The following TRDN variants were observed in gnomAD, a reference collection of about 807,000 sequenced individuals.
The protein encoded by TRDN is triadin in skeletal muscle.
In TRDN, 161 loss-of-function variants were observed where a neutral mutation model predicts 149.7. The ratio of observed to expected loss-of-function variants is 1.08; its 90% CI spans 0.95 to 1.23. The LOEUF (loss-of-function observed/expected upper bound fraction) is 1.23, where lower values mean the gene tolerates loss of function less well. TRDN is among the 50% of genes most tolerant of loss of function. TRDN has a pLI of 0.00. For synonymous variants in TRDN, 294 were observed against 250.5 expected (o/e 1.17, Z -1.64); for missense variants, 896 against 823.5 (o/e 1.09, Z -1.08).
chr6:123,481,669 G>T (rs183891557), intron 9 of TRDN, among the ~76,000 whole-genome samples: 1 of 152,042 alleles, frequency 6.6e-6, no homozygotes, highest in African/African-American at 2.4e-5. Flanking sequence ...AGTACCACAC[G>T]TGTTACATCT....
At chr6:123,269,581 T>C (rs1270748613) in intron 31 of TRDN, among the ~76,000 whole-genome samples, 1 of 152,070 alleles carries the variant, frequency 6.6e-6, no homozygotes, top group East Asian at 1.9e-4. Flanking sequence ...TGTATAGTTA[T>C]AATCATTAAT....
At chr6:123,588,294 C>G (rs898773540) in intron 1 of TRDN, among the ~76,000 whole-genome samples, 18 of 152,110 alleles carry the variant, frequency 1.2e-4, no homozygotes, top group African/African-American at 4.3e-4. Context: ...CTATACTAGT[C>G]AAGTTGGAAT....
chr6:123,222,305 A>C (rs1250772931), intron 39 of TRDN, among the ~76,000 whole-genome samples: 1 of 151,716 alleles, frequency 6.6e-6, no homozygotes, highest in East Asian at 2.0e-4. Context: ...TTCCCCTCAG[A>C]GTGTAATCTA....
At chr6:123,418,094 T>C (rs966559606) in intron 12 of TRDN, among the ~76,000 whole-genome samples, 8 of 152,122 alleles carry the variant, frequency 5.3e-5, no homozygotes, top group Non-Finnish European at 1.2e-4. Context: ...CAGACACTAA[T>C]AAGAACATGC....
intron 24 of TRDN, among the ~76,000 whole-genome samples, chr6:123,299,854 A>G (rs1231354565): frequency 6.6e-6 from 1 of 152,076 alleles, no homozygotes; most frequent in East Asian, 1.9e-4. Flanking sequence ...ATAGGTTCAA[A>G]TAATGAAAAA....
At position 123,279,083 on chromosome 6, in the gene TRDN, C is replaced by A; in HGVS notation, c.1511-1G>T. 1 of 1,605,442 alleles carries A rather than the reference C, an allele frequency of 6.2e-7. No individual in the cohort carries two copies. The highest frequency in any genetic ancestry group is 8.5e-7 in the Non-Finnish European group (1 of 1,176,478). ...GGAGGTTTAGGCTTGACTTCTTTGC[C>A]TAGAAAAAAGTAAAAAAATTATTAA... On this transcript the variant is annotated splice_acceptor_variant, in intron 24 of 40. Coordinates refer to ENST00000334268, the MANE Select transcript of TRDN (RefSeq NM_006073.4). LOFTEE classifies it high-confidence loss of function.
At chr6:123,591,880 A>G (rs144755593) in intron 1 of TRDN, among the ~76,000 whole-genome samples, 2 of 152,382 alleles carry the variant, frequency 1.3e-5, no homozygotes, top group East Asian at 3.9e-4. Context: ...ATAATACTTT[A>G]TACAACACCT....
At chr6:123,231,560 T>A (rs1014156689) in intron 38 of TRDN, among the ~76,000 whole-genome samples, 1 of 152,078 alleles carries the variant, frequency 6.6e-6, no homozygotes. Context: ...AAAATTTTAA[T>A]GTAGTTTATA....
intron 8 of TRDN, chr6:123,498,379 C>G (rs1171237687): frequency 1.1e-4 from 33 of 312,794 alleles, no homozygotes; most frequent in South Asian, 1.0e-3. Context: ...TTATGAAATT[C>G]TGTTAGGTCT....
chr6:123,324,121 A>G (rs1004527548), intron 23 of TRDN, among the ~76,000 whole-genome samples: 1 of 152,128 alleles, frequency 6.6e-6, no homozygotes, highest in Non-Finnish European at 1.5e-5. Flanking sequence ...GGCATTCCTT[A>G]GTTTTCCTTT....
At chr6:123,626,856 A>T (rs190786346) in intron 1 of TRDN, among the ~76,000 whole-genome samples, 3 of 151,880 alleles carry the variant, frequency 2.0e-5, no homozygotes, top group Admixed American at 6.6e-5. Flanking sequence ...GATCCATAAG[A>T]GGTATTTCTC....
chr6:123,353,983 A>T (rs566779220), intron 20 of TRDN, among the ~76,000 whole-genome samples: 1 of 151,970 alleles, frequency 6.6e-6, no homozygotes, highest in South Asian at 2.1e-4. Context: ...TTGTTAGATT[A>T]TAGTCAATAT....
chr6:123,368,891 C>T (rs1781216895), intron 19 of TRDN, among the ~76,000 whole-genome samples: 1 of 152,176 alleles, frequency 6.6e-6, no homozygotes, highest in Admixed American at 6.5e-5. Flanking sequence ...TCTTACCAAG[C>T]TTATGCATAA....
At chr6:123,490,183 G>GA in intron 9 of TRDN, among the ~76,000 whole-genome samples, 1 of 151,986 alleles carries the variant, frequency 6.6e-6, no homozygotes, top group East Asian at 1.9e-4. Context: ...ATTTCAAAGA[G>GA]AAAAAAGGAA....
intron 37 of TRDN, 119 bp downstream of exon 37, chr6:123,254,962 T>TG: frequency 1.6e-6 from 1 of 643,314 alleles, no homozygotes; most frequent in Non-Finnish European, 2.8e-6. Context: ...CCTCTGCTAT[T>TG]AAGAGAAGTT....
intron 19 of TRDN, among the ~76,000 whole-genome samples, chr6:123,373,781 A>G (rs1486667968): frequency 6.6e-6 from 1 of 152,164 alleles, no homozygotes; most frequent in East Asian, 1.9e-4. Flanking sequence ...TGACCTCACA[A>G]CTTAACATAC....
chr6:123,409,080 C>T (rs558206934), intron 12 of TRDN, among the ~76,000 whole-genome samples: 42 of 152,168 alleles, frequency 2.8e-4, no homozygotes, highest in Non-Finnish European at 5.9e-4. Context: ...ATGCAACACT[C>T]ATTAATGAGG....
chr6:123,267,101 C>CAAAA (rs768727745), intron 32 of TRDN, among the ~76,000 whole-genome samples: 1 of 69,340 alleles, frequency 1.4e-5, no homozygotes, highest in Admixed American at 2.2e-4. Context: ...GATTTTGTCT[C>CAAAA]AAAAAAAAAA....
intron 2 of TRDN, among the ~76,000 whole-genome samples, chr6:123,559,690 C>A (rs908528766): frequency 1.3e-5 from 2 of 152,188 alleles, no homozygotes; most frequent in Admixed American, 1.3e-4. Context: ...GCTTTTAAAG[C>A]CTATAAACTC....
Sources: allele counts gnomAD v4.1 joint callset (sites outside exome capture counted in the v4.1 genomes callset), GRCh38; gene constraint gnomAD v4.1.1; transcripts MANE v1.5; gene names NCBI Gene and HGNC (gene_info 2026-07-23, HGNC 2026-07-21).